The following CTNNA2 variants were observed in gnomAD, a reference collection of about 807,000 sequenced individuals.
CTNNA2 encodes catenin alpha 2, also known as catenin alpha-2.
CTNNA2 carries 42 observed loss-of-function variants against 101.0 expected under a neutral mutation model. The ratio of observed to expected loss-of-function variants is 0.42; its 90% CI spans 0.32 to 0.54. The LOEUF is 0.54. Ranked by LOEUF, CTNNA2 falls within the 20% of genes least tolerant of loss-of-function variation. CTNNA2 has a pLI of 0.14. For missense variants in CTNNA2, 871 were observed against 1,223.1 expected (o/e 0.71, Z 4.29); for synonymous variants, 450 against 456.4 (o/e 0.99, Z 0.18).
intron 2 of CTNNA2, among the ~76,000 whole-genome samples, chr2:79,686,518 T>C (rs977709266): frequency 6.6e-6 from 1 of 152,182 alleles, no homozygotes; most frequent in Non-Finnish European, 1.5e-5. Flanking sequence ...ACTCATTGAT[T>C]GAACTACATA....
At chr2:79,893,978 A>G (rs1176641471) in intron 6 of CTNNA2, among the ~76,000 whole-genome samples, 5 of 150,760 alleles carry the variant, frequency 3.3e-5, no homozygotes, top group Non-Finnish European at 7.4e-5. Flanking sequence ...TATTCTGTCA[A>G]GCTTAGGCTG....
intron 2 of CTNNA2, among the ~76,000 whole-genome samples, chr2:79,252,662 T>TA (rs1267302870): frequency 3.3e-5 from 5 of 152,068 alleles, no homozygotes; most frequent in African/African-American, 1.2e-4. Context: ...CCTTTTTTTT[T>TA]ATGCATAGAA....
intron 7 of CTNNA2, among the ~76,000 whole-genome samples, chr2:79,978,106 A>G (rs1194436886): frequency 3.3e-5 from 5 of 152,182 alleles, no homozygotes; most frequent in Non-Finnish European, 5.9e-5. Flanking sequence ...AGGTTTTACC[A>G]TTGAGATGCA....
intron 4 of CTNNA2, among the ~76,000 whole-genome samples, chr2:79,859,131 A>G (rs1346233637): frequency 6.6e-6 from 1 of 152,002 alleles, no homozygotes; most frequent in Admixed American, 6.6e-5. Context: ...TTAGATGATG[A>G]GATGCAAACC....
chr2:80,232,334 T>G (rs1311732708), intron 7 of CTNNA2, among the ~76,000 whole-genome samples: 1 of 73,202 alleles, frequency 1.4e-5, no homozygotes, highest in Non-Finnish European at 2.2e-5. Flanking sequence ...TGTTTGTTTG[T>G]TTGTTTGTTT....
At chr2:79,548,018 G>C (rs1211003975) in intron 1 of CTNNA2, 1 of 152,082 alleles carries the variant, frequency 6.6e-6, no homozygotes, top group African/African-American at 2.4e-5. Context: ...TACACCCTTA[G>C]GTATACCAAG....
At position 79,347,673 on chromosome 2, in the gene CTNNA2, G is replaced by A. The variant is rs79422716; in HGVS notation, c.-317-26158G>A. Among the ~76,000 whole-genome samples, 12 of 151,940 alleles carry A rather than the reference G, an allele frequency of 7.9e-5. No homozygotes were observed. The East Asian group carries it at 1.6e-3, about 20-fold the overall frequency. On this transcript the variant is annotated intron_variant, in intron 3 of 21. Transcript: ENST00000466387. ...TGTACATACTGACTGGCCTCAGGTC[G>A]CATGGCTTTTAAATGCCATAATGAG...
In CTNNA2 at chr2:80,357,674, A is replaced by G. The variant is rs141799423; in HGVS notation, c.1057-35537A>G. On this transcript the variant is annotated intron_variant, in intron 7 of 18. Coordinates refer to ENST00000402739, the MANE Select transcript of CTNNA2 (RefSeq NM_001282597.3). ...GCATACTAAAGACAGAAGAATCAAT[A>G]TGACTCTTCTAGTCAAAACCACCTA... Among the ~76,000 whole-genome samples, 8 of 152,290 alleles carry G rather than the reference A, an allele frequency of 5.3e-5. No homozygotes were observed. In the East Asian group the frequency reaches 1.5e-3, roughly 29 times the overall value.
intron 7 of CTNNA2, among the ~76,000 whole-genome samples, chr2:79,954,989 T>C (rs1689128384): frequency 6.6e-6 from 1 of 152,194 alleles, no homozygotes; most frequent in South Asian, 2.1e-4. Flanking sequence ...AATGATGCCC[T>C]TTTGTTCCTA....
chr2:79,373,661 C>T (rs1260459309), intron 3 of CTNNA2, among the ~76,000 whole-genome samples: 2 of 57,120 alleles, frequency 3.5e-5, no homozygotes, highest in Non-Finnish European at 6.3e-5. Context: ...CGGTAACTCC[C>T]TGGAAGCATT....
intron 7 of CTNNA2, among the ~76,000 whole-genome samples, chr2:80,089,222 A>G (rs777239711): frequency 6.6e-6 from 1 of 151,996 alleles, no homozygotes; most frequent in Admixed American, 6.6e-5. Context: ...AGTTTTTAAA[A>G]TGGAATCTTC....
intron 7 of CTNNA2, among the ~76,000 whole-genome samples, chr2:79,982,270 T>TATATATAATATATATAAC (rs1691375253): frequency 2.3e-5 from 3 of 128,738 alleles, no homozygotes; most frequent in Admixed American, 1.6e-4. Context: ...ACACATAACA[T>TATATATAATATATATAAC]ATATATAATA....
At chr2:79,806,466 G>C (rs1352245230) in intron 3 of CTNNA2, among the ~76,000 whole-genome samples, 1 of 152,106 alleles carries the variant, frequency 6.6e-6, no homozygotes, top group Non-Finnish European at 1.5e-5. Context: ...TGGCTTGGAG[G>C]AGTTACTGGG....
chr2:79,431,422 T>C (rs1166788986), intron 4 of CTNNA2, among the ~76,000 whole-genome samples: 1 of 152,160 alleles, frequency 6.6e-6, no homozygotes, highest in African/African-American at 2.4e-5. Flanking sequence ...GGCTCTGCTG[T>C]GCATTGCCTT....
chr2:80,275,417 T>G (rs1326876977), intron 7 of CTNNA2, among the ~76,000 whole-genome samples: 1 of 152,236 alleles, frequency 6.6e-6, no homozygotes, highest in African/African-American at 2.4e-5. Flanking sequence ...CTTTTATGAT[T>G]TAATTTTAGT....
intron 7 of CTNNA2, among the ~76,000 whole-genome samples, chr2:80,354,345 A>G (rs1213179044): frequency 6.6e-6 from 1 of 152,092 alleles, no homozygotes; most frequent in Non-Finnish European, 1.5e-5. Context: ...GATATGATAA[A>G]GGTGCTTGAT....
chr2:79,803,657 A>G (rs1421573324), intron 3 of CTNNA2, among the ~76,000 whole-genome samples: 1 of 152,210 alleles, frequency 6.6e-6, no homozygotes, highest in Admixed American at 6.5e-5. Flanking sequence ...CATTATGAAC[A>G]TGTTACACTG....
At chr2:79,251,900 T>C (rs1042479100) in intron 2 of CTNNA2, among the ~76,000 whole-genome samples, 2 of 152,236 alleles carry the variant, frequency 1.3e-5, no homozygotes, top group African/African-American at 4.8e-5. Flanking sequence ...TACAGCAATA[T>C]ATACTAAACC....
chr2:79,448,671 A>G (rs143361376), intron 4 of CTNNA2, among the ~76,000 whole-genome samples: 1 of 152,160 alleles, frequency 6.6e-6, no homozygotes, highest in East Asian at 1.9e-4. Flanking sequence ...GTCTAGAAAT[A>G]CATAAGAAAA....
Sources: allele counts gnomAD v4.1 joint callset (sites outside exome capture counted in the v4.1 genomes callset), GRCh38; gene constraint gnomAD v4.1.1; transcripts MANE v1.5; gene names NCBI Gene and HGNC (gene_info 2026-07-23, HGNC 2026-07-21).